MSRA: variants seen among roughly 807,000 people sequenced by gnomAD.
The protein encoded by MSRA is mitochondrial peptide methionine sulfoxide reductase.
MSRA carries 54 observed loss-of-function variants against 31.3 expected under a neutral mutation model. The ratio of observed to expected loss-of-function variants is 1.73; its 90% CI spans 1.39 to 2.17. The LOEUF is 2.17. Among genes scored for constraint, MSRA ranks in the 30% most tolerant of loss-of-function variants. The pLI is 0.00. For synonymous variants in MSRA, 169 were observed against 116.5 expected, an observed-to-expected ratio of 1.45 and a Z score of -2.90; for missense variants, 507 against 300.9, an observed-to-expected ratio of 1.69 and a Z score of -5.07.
Position 10,334,068 on chromosome 8 carries a change from T to C in MSRA, c.543+14079T>C, listed in dbSNP as rs976452140. On this transcript the variant is annotated intron_variant, in intron 5 of 5. Transcript: ENST00000317173. ...AGCAGCAGCATTAAGTTCCCGTCCA[T>C]TGGCTGCAAGCAGGGAGGAAAAAAG... 5.9e-5 allele frequency among the ~76,000 whole-genome samples: 9 copies of C among 152,132 alleles called. 1 individual carries two copies. Among genetic ancestry groups the C allele is most frequent in the South Asian group, 2.1e-4 (1 of 4,820 alleles).
At chr8:10,181,058 C>T (rs1264588859) in intron 1 of MSRA, among the ~76,000 whole-genome samples, 1 of 152,164 alleles carries the variant, frequency 6.6e-6, no homozygotes, top group African/African-American at 2.4e-5. Flanking sequence ...TAGGCACTAT[C>T]CTAGAAACTG....
chr8:10,295,068 G>T (rs1013556302), intron 3 of MSRA, among the ~76,000 whole-genome samples: 1 of 152,132 alleles, frequency 6.6e-6, no homozygotes, highest in African/African-American at 2.4e-5. Context: ...ACTCCTGGGC[G>T]GCAGGACAGA....
chr8:10,137,428 T>A (rs1394056149), intron 1 of MSRA, among the ~76,000 whole-genome samples: 2 of 152,214 alleles, frequency 1.3e-5, no homozygotes, highest in African/African-American at 4.8e-5. Flanking sequence ...GTAGGCTGCC[T>A]CAAATATACA....
chr8:10,363,846 G>A (rs1452442152), intron 5 of MSRA, among the ~76,000 whole-genome samples: 2 of 151,652 alleles, frequency 1.3e-5, no homozygotes, highest in Non-Finnish European at 2.9e-5. Flanking sequence ...GTGGGAGGAT[G>A]ACTTGAGTCT....
At chr8:10,096,068 T>C in intron 1 of MSRA, 1 of 1,387,062 alleles carries the variant, frequency 7.2e-7, no homozygotes, top group Admixed American at 2.8e-5. Flanking sequence ...TTTATTTTAT[T>C]TTATTTTTAG....
intron 1 of MSRA, among the ~76,000 whole-genome samples, chr8:10,148,170 T>A (rs1263779759): frequency 1.3e-5 from 2 of 152,164 alleles, no homozygotes; most frequent in Non-Finnish European, 2.9e-5. Flanking sequence ...ACAGATAATA[T>A]TCTATTTCTG....
intron 4 of MSRA, among the ~76,000 whole-genome samples, chr8:10,307,274 C>T (rs1173353791): frequency 6.6e-6 from 1 of 151,736 alleles, no homozygotes; most frequent in African/African-American, 2.4e-5. Context: ...TCAAGACATC[C>T]TCCCACCTCA....
chr8:10,256,767 T>A (rs1798204113), intron 3 of MSRA, among the ~76,000 whole-genome samples: 1 of 152,154 alleles, frequency 6.6e-6, no homozygotes, highest in African/African-American at 2.4e-5. Flanking sequence ...TGTATTTCTC[T>A]GTCCCCCCGA....
At chr8:10,090,975 C>A (rs1050685766) in intron 1 of MSRA, among the ~76,000 whole-genome samples, 2 of 152,294 alleles carry the variant, frequency 1.3e-5, no homozygotes, top group South Asian at 4.1e-4. Context: ...TTATTATGAA[C>A]AATGATTCTG....
At chr8:10,345,065 C>T (rs768344911) in intron 5 of MSRA, among the ~76,000 whole-genome samples, 3 of 152,046 alleles carry the variant, frequency 2.0e-5, no homozygotes, top group Non-Finnish European at 4.4e-5. Context: ...TGGTCTTTCC[C>T]CCTCAAGGTT....
intron 1 of MSRA, among the ~76,000 whole-genome samples, chr8:10,056,221 AC>A (rs1554532491): frequency 1.5e-4 from 22 of 149,102 alleles, no homozygotes; most frequent in African/African-American, 4.2e-4. Context: ...AAAAAAAAAA[AC>A]CCCAAATAAT....
chr8:10,227,862 A>G (rs1270788289), intron 2 of MSRA, among the ~76,000 whole-genome samples: 3 of 152,214 alleles, frequency 2.0e-5, no homozygotes, highest in African/African-American at 7.2e-5. Context: ...AAGAGTAGGG[A>G]TAAGGAAGGT....
At chr8:10,245,740 G>A (rs1585262341) in intron 3 of MSRA, among the ~76,000 whole-genome samples, 2 of 152,226 alleles carry the variant, frequency 1.3e-5, no homozygotes, top group African/African-American at 2.4e-5. Flanking sequence ...GGTGGTGGAT[G>A]CAGAGAACCT....
At chr8:10,328,573 C>A (rs1220532447) in intron 5 of MSRA, among the ~76,000 whole-genome samples, 2 of 152,082 alleles carry the variant, frequency 1.3e-5, no homozygotes, top group African/African-American at 4.8e-5. Flanking sequence ...TTCCCTGTGT[C>A]AGCATCTTCC....
At chr8:10,111,332 G>T (rs1305490502) in intron 1 of MSRA, among the ~76,000 whole-genome samples, 1 of 152,018 alleles carries the variant, frequency 6.6e-6, no homozygotes, top group African/African-American at 2.4e-5. Context: ...CTCCACCCTT[G>T]CCCCCTCCCT....
intron 5 of MSRA, among the ~76,000 whole-genome samples, chr8:10,381,160 C>G (rs1008182560): frequency 1.3e-5 from 2 of 152,178 alleles, no homozygotes; most frequent in African/African-American, 2.4e-5. Flanking sequence ...TCTCCCAAAC[C>G]TTTCCCCTCT....
intron 1 of MSRA, among the ~76,000 whole-genome samples, chr8:10,079,391 G>A (rs560357260): frequency 1.3e-5 from 2 of 152,222 alleles, no homozygotes; most frequent in South Asian, 2.1e-4. Flanking sequence ...GTGGGCTCAA[G>A]CAATCTGCCT....
intron 2 of MSRA, among the ~76,000 whole-genome samples, chr8:10,210,768 C>G (rs1373286557): frequency 6.7e-6 from 1 of 150,044 alleles, no homozygotes; most frequent in Non-Finnish European, 1.5e-5. Context: ...GTGTCTTACT[C>G]TGTTGCCCAT....
intron 3 of MSRA, among the ~76,000 whole-genome samples, chr8:10,286,248 C>A (rs1475385789): frequency 6.6e-6 from 1 of 152,108 alleles, no homozygotes. Context: ...TTGACTGTAT[C>A]CCCACCCAGA....
Sources: gnomAD v4.1 joint callset for allele counts (sites outside exome capture counted in the v4.1 genomes callset) on GRCh38, gnomAD v4.1.1 for gene constraint, MANE v1.5 for transcripts, NCBI Gene and HGNC (gene_info 2026-07-23, HGNC 2026-07-21) for gene names.